DNAJC16: variants seen among roughly 807,000 people sequenced by gnomAD.
DNAJC16 encodes dnaJ homolog subfamily C member 16.
Under a neutral mutation model 92.7 loss-of-function variants are expected in DNAJC16, and 76 were observed. That is an observed-to-expected ratio of 0.82 (90% CI 0.68 to 0.99). DNAJC16 has a LOEUF of 0.99. DNAJC16 is among the 50% of genes least tolerant of loss of function. The probability of loss-of-function intolerance (pLI) is 0.00; values close to 1 mark genes in which losing one functional copy is unlikely to be tolerated. For synonymous variants in DNAJC16, 328 were observed against 358.7 expected (o/e 0.91, Z 0.97); for missense variants, 869 against 942.4 (o/e 0.92, Z 1.02).
intron 7 of DNAJC16, among the ~76,000 whole-genome samples, chr1:15,549,073 G>A (rs1420489350): frequency 1.3e-5 from 2 of 152,130 alleles, no homozygotes; most frequent in East Asian, 3.9e-4. Flanking sequence ...AAATAGTACT[G>A]TTGAGGGTAT....
rs1210669909 is a variant in DNAJC16, at chr1:15,559,469, A to G, written c.1024-57A>G. ...TTAAGCTGGTAAGTAAAGAAAGCCC[A>G]TCTATTTGCATTGAGAACACTGCAT... On this transcript the variant is annotated intron_variant, in intron 7 of 14. Coordinates refer to ENST00000375847, the MANE Select transcript of DNAJC16 (RefSeq NM_015291.4). The G allele has an allele frequency of 3.7e-6, 6 of 1,601,712 alleles. No homozygotes were observed. The African/African-American group carries it at 8.1e-5, about 22-fold the overall frequency.
intron 6 of DNAJC16, 83 bp from the exon 7 acceptor site, chr1:15,548,187 G>A (rs1638357096): frequency 7.1e-7 from 1 of 1,400,654 alleles, no homozygotes; most frequent in East Asian, 2.3e-5. Flanking sequence ...TCTCTGCTCA[G>A]TGATGTGAAA....
intron 11 of DNAJC16, among the ~76,000 whole-genome samples, chr1:15,564,898 G>A (rs1023209908): frequency 1.3e-4 from 19 of 147,622 alleles, no homozygotes; most frequent in African/African-American, 3.3e-4. Flanking sequence ...GCAGTGGCAC[G>A]ATCTCAGCTC....
intron 11 of DNAJC16, among the ~76,000 whole-genome samples, chr1:15,564,908 C>T (rs1638775645): frequency 6.6e-6 from 1 of 151,810 alleles, no homozygotes; most frequent in African/African-American, 2.4e-5. Flanking sequence ...GATCTCAGCT[C>T]ACTGCAACCT....
chr1:15,534,430 A>G, intron 3 of DNAJC16, 127 bp downstream of exon 3: 2 of 973,106 alleles, frequency 2.1e-6, no homozygotes, highest in Non-Finnish European at 1.5e-6. Flanking sequence ...CTAGATTATA[A>G]TAGAGAGAAC....
At position 15,568,133 on chromosome 1, in the gene DNAJC16, T is replaced by C. The variant is rs766071537; in HGVS notation, c.2305T>C (p.Ser769Pro). 6.2e-6 allele frequency: 10 copies of C among 1,613,864 alleles called. No homozygotes were observed. Among genetic ancestry groups the C allele is most frequent in the Non-Finnish European group, 8.5e-6 (10 of 1,179,962 alleles). ...SLWMERLLEGSLQRFYIPSWP... is the reference protein window; with the variant it reads ...SLWMERLLEGPLQRFYIPSWP... ...ATGGATGGAACGCCTGCTGGAGGGC[T>C]CCTTACAGAGGTTTTATATCCCATC... is the stretch of plus-strand genomic sequence containing the variant. The change falls in exon 15 of 15, where the codon TCC becomes CCC. Residue 769 changes from serine (S) to proline (P), a missense_variant. By Grantham distance (74) the Ser-to-Pro change is moderately conservative (BLOSUM62 -1). Transcript: ENST00000375847.
At chr1:15,529,379 A>G (rs985909754) in intron 2 of DNAJC16, 107 bp downstream of exon 2, 22 of 1,124,858 alleles carry the variant, frequency 2.0e-5, no homozygotes, top group Non-Finnish European at 2.7e-5. Flanking sequence ...TATGTTCAAT[A>G]TATATATCTG....
chr1:15,528,974 C>A, intron 1 of DNAJC16, 114 bp from the exon 2 acceptor site: 3 of 901,326 alleles, frequency 3.3e-6, no homozygotes, highest in Non-Finnish European at 4.9e-6. Flanking sequence ...ACTTTTCCTG[C>A]AAAATACCTT....
chr1:15,556,121 T>G (rs1638565073), intron 7 of DNAJC16, among the ~76,000 whole-genome samples: 1 of 150,724 alleles, frequency 6.6e-6, no homozygotes. Flanking sequence ...CAGTGAGACT[T>G]TATCTTTTTT....
intron 6 of DNAJC16, 101 bp from the exon 7 acceptor site, chr1:15,548,169 C>T: frequency 1.7e-6 from 2 of 1,160,572 alleles, no homozygotes; most frequent in Non-Finnish European, 2.4e-6. Flanking sequence ...TGTAAGCTGG[C>T]ATGTACCTCT....
intron 9 of DNAJC16, 58 bp downstream of exon 9, chr1:15,562,383 C>A: frequency 6.8e-7 from 1 of 1,480,422 alleles, no homozygotes; most frequent in Non-Finnish European, 9.1e-7. Flanking sequence ...GCACTTGATT[C>A]TGTTTCCTTC....
chr1:15,544,467 ACGC>A lies in DNAJC16; in HGVS notation c.645_647del (p.Pro216del), dbSNP rs560438819. On this transcript the variant is annotated inframe_deletion, in exon 5 of 15. Coordinates refer to ENST00000375847, the MANE Select transcript of DNAJC16 (RefSeq NM_015291.4). ...GGCCCATCACCTAGGGGCACACAGCACGCCCTCTATCCTAGGAATCATTAACGG... is the reference window on the plus strand; with the variant it reads ...GGCCCATCACCTAGGGGCACACAGCACCTCTATCCTAGGAATCATTAACGG... The A allele has an allele frequency of 1.6e-5, 26 of 1,614,136 alleles. No individual in the cohort carries two copies. The African/African-American group carries it at 3.5e-4, about 22-fold the overall frequency.
chr1:15,527,463 C>G (rs374655268), intron 1 of DNAJC16, among the ~76,000 whole-genome samples: 3 of 152,116 alleles, frequency 2.0e-5, no homozygotes, highest in East Asian at 1.9e-4. Flanking sequence ...GCATTTAGTC[C>G]CCACATGATG....
chr1:15,532,042 C>G (rs912910325), intron 2 of DNAJC16, among the ~76,000 whole-genome samples: 2 of 152,162 alleles, frequency 1.3e-5, no homozygotes, highest in Admixed American at 1.3e-4. Context: ...TTTACTTTTT[C>G]CCTTAGGAAA....
At position 15,563,999 on chromosome 1, in the gene DNAJC16, G is replaced by C. The variant is rs767301689; in HGVS notation, c.1409G>C (p.Gly470Ala). 4 of 1,614,086 alleles carry C rather than the reference G, an allele frequency of 2.5e-6. No homozygotes were observed. Among genetic ancestry groups the C allele is most frequent in the Admixed American group, 3.3e-5 (2 of 59,998 alleles). Reference protein sequence around the residue: ...VYKTLEDPWIGSESDKFILLG... With the variant: ...VYKTLEDPWIASESDKFILLG... ...AAAACCCTGGAAGACCCTTGGATTG[G>C]GAGTGAGAGTGACAAATTTATCCTC... The change falls in exon 10 of 15, where the codon GGG becomes GCG. Residue 470 changes from glycine (G) to alanine (A), a missense_variant. Physicochemically the swap from Gly to Ala is moderately conservative, Grantham distance 60. Coordinates refer to ENST00000375847, the MANE Select transcript of DNAJC16 (RefSeq NM_015291.4).
At chr1:15,531,236 G>A (rs964415460) in intron 2 of DNAJC16, among the ~76,000 whole-genome samples, 3 of 152,238 alleles carry the variant, frequency 2.0e-5, no homozygotes, top group Admixed American at 6.5e-5. Flanking sequence ...GACTGCATGC[G>A]TGACTGCGCC....
At chr1:15,559,791 T>C in intron 8 of DNAJC16, 135 bp downstream of exon 8, 1 of 1,282,520 alleles carries the variant, frequency 7.8e-7, no homozygotes. Flanking sequence ...GGGCCGGGCA[T>C]GGTGGCTCAT....
intron 7 of DNAJC16, among the ~76,000 whole-genome samples, chr1:15,553,129 G>T (rs916748638): frequency 1.3e-5 from 2 of 151,770 alleles, no homozygotes; most frequent in African/African-American, 4.8e-5. Context: ...TAATTGATTT[G>T]TAGGGGTTAT....
chr1:15,549,476 A>T (rs572599657), intron 7 of DNAJC16, among the ~76,000 whole-genome samples: 2 of 152,288 alleles, frequency 1.3e-5, no homozygotes, highest in East Asian at 3.9e-4. Context: ...GGTTTCAGTT[A>T]CCCACAGTCA....
Sources: allele counts gnomAD v4.1 joint callset (sites outside exome capture counted in the v4.1 genomes callset), GRCh38; gene constraint gnomAD v4.1.1; transcripts MANE v1.5; gene names NCBI Gene and HGNC (gene_info 2026-07-23, HGNC 2026-07-21).